The following STPG2 variants were observed in gnomAD, a reference collection of about 807,000 sequenced individuals.
The protein encoded by STPG2 is sperm tail PG-rich repeat containing 2.
Under a neutral mutation model 54.2 loss-of-function variants are expected in STPG2, and 56 were observed. The observed-to-expected ratio is 1.03, with a 90% confidence interval of 0.83 to 1.29. STPG2 has a LOEUF of 1.29. Ranked by LOEUF, STPG2 falls within the 50% of genes most tolerant of loss-of-function variation. The pLI, the probability that STPG2 is intolerant of heterozygous loss-of-function variation, is 0.00. For synonymous variants in STPG2, 200 were observed against 181.8 expected (o/e 1.10, Z -0.81); for missense variants, 596 against 544.9 (o/e 1.09, Z -0.93).
At chr4:97,906,758 A>G (rs1293459452) in intron 8 of STPG2, among the ~76,000 whole-genome samples, 1 of 152,148 alleles carries the variant, frequency 6.6e-6, no homozygotes, top group Non-Finnish European at 1.5e-5. Context: ...AGAGCCAAAG[A>G]CAAAAACCAC....
At chr4:97,563,864 T>G (rs988438811) in intron 10 of STPG2, among the ~76,000 whole-genome samples, 1 of 152,208 alleles carries the variant, frequency 6.6e-6, no homozygotes, top group Non-Finnish European at 1.5e-5. Context: ...TCTAATGATG[T>G]GGTCAATTTT....
At chr4:97,610,258 T>C (rs1733698727) in intron 10 of STPG2, among the ~76,000 whole-genome samples, 2 of 152,064 alleles carry the variant, frequency 1.3e-5, no homozygotes, top group Admixed American at 1.3e-4. Context: ...TGGAATCCTT[T>C]AGAAAGAAGG....
chr4:98,013,847 T>TTCTTC (rs918358820), intron 5 of STPG2, among the ~76,000 whole-genome samples: 7 of 152,030 alleles, frequency 4.6e-5, no homozygotes, highest in Non-Finnish European at 2.9e-5. Context: ...GTCTATTTCA[T>TTCTTC]TCTTCTCTCT....
intron 10 of STPG2, among the ~76,000 whole-genome samples, chr4:97,696,718 C>A (rs896243929): frequency 1.3e-5 from 2 of 152,130 alleles, no homozygotes; most frequent in Non-Finnish European, 2.9e-5. Context: ...GGGCAAAGGA[C>A]AAGAGCAGAC....
At chr4:97,867,096 A>G (rs1729815601) in intron 8 of STPG2, among the ~76,000 whole-genome samples, 1 of 151,968 alleles carries the variant, frequency 6.6e-6, no homozygotes, top group Admixed American at 6.6e-5. Flanking sequence ...TGCAGCCTAG[A>G]ATCTGTTTAT....
chr4:97,563,606 T>A (rs1732327203), intron 10 of STPG2, among the ~76,000 whole-genome samples: 1 of 152,356 alleles, frequency 6.6e-6, no homozygotes, highest in South Asian at 2.1e-4. Flanking sequence ...ACACACTATT[T>A]TGAATGAGTC....
rs1381707991 is a variant in STPG2 at position 97,991,362 on chromosome 4, GGTGTATATATATATGTATATATAT to G, written c.613-10068_613-10045del. ...TATATGTGTGTATATATGTGTGTGT[GGTGTATATATATATGTATATATAT>G]GTGTATATATATGTGTATATATATA... On this transcript the variant is annotated intron_variant, in intron 5 of 10. Transcript: ENST00000295268. Among the ~76,000 whole-genome samples, 6 of 146,154 alleles carry G rather than the reference GGTGTATATATATATGTATATATAT, an allele frequency of 4.1e-5. No homozygotes were observed. The East Asian group carries it at 1.2e-3, about 29-fold the overall frequency.
chr4:97,734,078 T>C (rs2149029004), intron 9 of STPG2, among the ~76,000 whole-genome samples: 1 of 152,368 alleles, frequency 6.6e-6, no homozygotes, highest in Middle Eastern at 3.4e-3. Context: ...ATCCTTGTCT[T>C]GTTCCTGATC....
chr4:98,034,142 G>A (rs1019632600), intron 5 of STPG2, among the ~76,000 whole-genome samples: 2 of 152,098 alleles, frequency 1.3e-5, no homozygotes, highest in African/African-American at 4.8e-5. Context: ...TATTCAATTA[G>A]GAAAAGAGGA....
chr4:97,617,879 A>T (rs2148921163), intron 10 of STPG2, among the ~76,000 whole-genome samples: 2 of 152,282 alleles, frequency 1.3e-5, no homozygotes, highest in South Asian at 4.1e-4. Flanking sequence ...ATGATGATAT[A>T]CATCATAGTC....
chr4:97,637,735 C>T (rs570840390), intron 10 of STPG2, among the ~76,000 whole-genome samples: 130 of 152,242 alleles, frequency 8.5e-4, no homozygotes, highest in African/African-American at 3.1e-3. Flanking sequence ...AGTGAACTCC[C>T]ATTCACAATT....
intron 3 of STPG2, among the ~76,000 whole-genome samples, chr4:98,119,324 A>C: frequency 6.6e-6 from 1 of 152,108 alleles, no homozygotes. Flanking sequence ...TATTCATAAT[A>C]TATACAAACC....
chr4:98,043,655 C>T (rs984890860), intron 5 of STPG2, among the ~76,000 whole-genome samples: 2 of 151,936 alleles, frequency 1.3e-5, no homozygotes, highest in Non-Finnish European at 2.9e-5. Flanking sequence ...ATTACATATG[C>T]ATTAACATAC....
At chr4:97,646,870 C>G (rs1721927912) in intron 10 of STPG2, among the ~76,000 whole-genome samples, 1 of 151,984 alleles carries the variant, frequency 6.6e-6, no homozygotes, top group Admixed American at 6.6e-5. Context: ...AGAACTGCAC[C>G]AAACTTTTCT....
At chr4:97,491,008 T>C (rs1043103537) in intron 4 of STPG2, among the ~76,000 whole-genome samples, 1 of 151,608 alleles carries the variant, frequency 6.6e-6, no homozygotes, top group African/African-American at 2.4e-5. Context: ...TAACTTGCAA[T>C]TTTTTGGATT....
intron 4 of STPG2, among the ~76,000 whole-genome samples, chr4:97,509,199 T>C (rs1221459586): frequency 2.0e-5 from 3 of 152,036 alleles, no homozygotes; most frequent in Admixed American, 2.0e-4. Flanking sequence ...TGACAGTCTG[T>C]AGCTCCTTCC....
intron 8 of STPG2, among the ~76,000 whole-genome samples, chr4:97,886,841 A>G (rs1730589141): frequency 6.6e-6 from 1 of 152,188 alleles, no homozygotes; most frequent in Admixed American, 6.5e-5. Context: ...GTTGCTCGTG[A>G]ACGCTTTAGC....
chr4:97,559,983 T>A (rs1732182421), intron 10 of STPG2, among the ~76,000 whole-genome samples: 1 of 152,166 alleles, frequency 6.6e-6, no homozygotes, highest in Non-Finnish European at 1.5e-5. Flanking sequence ...CCTCCACAAG[T>A]CTCAATCTTT....
chr4:97,615,721 T>C (rs542402167), intron 10 of STPG2, among the ~76,000 whole-genome samples: 71 of 152,106 alleles, frequency 4.7e-4, no homozygotes, highest in African/African-American at 1.6e-3. Flanking sequence ...AATTTCATTA[T>C]ACAATGAAAA....
Sources: allele counts gnomAD v4.1 joint callset (sites outside exome capture counted in the v4.1 genomes callset), GRCh38; gene constraint gnomAD v4.1.1; transcripts MANE v1.5; gene names NCBI Gene and HGNC (gene_info 2026-07-23, HGNC 2026-07-21).